SYN3: variants seen among roughly 807,000 people sequenced by gnomAD.
SYN3 encodes the protein synapsin-3.
SYN3 carries 35 observed loss-of-function variants against 65.8 expected under a neutral mutation model. The ratio of observed to expected loss-of-function variants is 0.53; its 90% CI spans 0.41 to 0.70. SYN3 has a LOEUF of 0.70. Ranked by LOEUF, SYN3 falls within the 30% of genes least tolerant of loss-of-function variation. SYN3 has a pLI of 0.00. For missense variants in SYN3, 680 were observed against 749.0 expected (o/e 0.91, Z 1.08); for synonymous variants, 270 against 292.9 (o/e 0.92, Z 0.80).
intron 3 of SYN3, among the ~76,000 whole-genome samples, chr22:32,950,542 G>A (rs149551343): frequency 6.6e-6 from 1 of 152,170 alleles, no homozygotes; most frequent in Non-Finnish European, 1.5e-5. Context: ...TGAGTTGGCA[G>A]CCATAAACTC....
At chr22:33,008,921 T>C (rs13054208) in intron 1 of SYN3, among the ~76,000 whole-genome samples, 9 of 26,962 alleles carry the variant, frequency 3.3e-4, no homozygotes, top group African/African-American at 1.1e-3. Context: ...TAAGACTTTA[T>C]CTCAAAAAAA....
In SYN3 at chr22:32,612,772, T is replaced by C. The variant is rs542788000; in HGVS notation, c.712-16036A>G. Among the ~76,000 whole-genome samples, 6 of 152,186 alleles carry C rather than the reference T, an allele frequency of 3.9e-5. No individual in the cohort carries two copies. The South Asian group carries it at 8.3e-4, about 21-fold the overall frequency. On this transcript the variant is annotated intron_variant, in intron 6 of 13. Transcript: ENST00000358763. ...TGGGATGATCACTTGAGCCCAGGAA[T>C]TGGAGGCTGCAGTGAGCAGCTGCAC...
intron 4 of SYN3, among the ~76,000 whole-genome samples, chr22:32,919,665 G>A (rs2050284864): frequency 6.6e-6 from 1 of 152,190 alleles, no homozygotes; most frequent in African/African-American, 2.4e-5. Flanking sequence ...AAAAGTTCAG[G>A]AAGCCCAGAA....
chr22:32,680,707 T>C (rs1349412414), intron 6 of SYN3, among the ~76,000 whole-genome samples: 3 of 152,212 alleles, frequency 2.0e-5, no homozygotes, highest in African/African-American at 7.2e-5. Flanking sequence ...TAAATTTCAG[T>C]GCCAAGCTAC....
intron 6 of SYN3, among the ~76,000 whole-genome samples, chr22:32,682,069 G>GTGACAAAGTCGACA (rs2060530454): frequency 2.6e-5 from 4 of 152,086 alleles, no homozygotes; most frequent in East Asian, 1.9e-4. Context: ...GGGAGATGAG[G>GTGACAAAGTCGACA]GGCAGCAGGG....
chr22:33,005,671 G>A lies in SYN3; in HGVS notation c.311+681C>T, dbSNP rs566982461. Among the ~76,000 whole-genome samples the A allele has an allele frequency of 5.3e-5, 8 of 152,328 alleles. No individual in the cohort carries two copies. In the South Asian group the frequency reaches 1.7e-3, roughly 32 times the overall value. On this transcript the variant is annotated intron_variant, in intron 2 of 13. Transcript: ENST00000358763. ...GTGGTCATTTCTGCCCACCTTTGGT[G>A]TTCAGAAGACAGGCTCTGGAGCCAG...
intron 6 of SYN3, among the ~76,000 whole-genome samples, chr22:32,730,414 C>T (rs1305963873): frequency 6.6e-6 from 1 of 152,162 alleles, no homozygotes. Context: ...ACTGCAGATT[C>T]CAGGATCTTC....
At chr22:32,589,062 C>A (rs942181957) in intron 7 of SYN3, among the ~76,000 whole-genome samples, 1 of 152,218 alleles carries the variant, frequency 6.6e-6, no homozygotes, top group Non-Finnish European at 1.5e-5. Context: ...TGAAACACTG[C>A]CCCGAGCTCC....
chr22:32,518,566 A>C (rs1271705221), intron 12 of SYN3: 5 of 675,004 alleles, frequency 7.4e-6, no homozygotes, highest in South Asian at 1.5e-5. Context: ...GTAATACTAA[A>C]TGACACAGGA....
At chr22:32,926,479 A>G (rs1353313139) in intron 4 of SYN3, among the ~76,000 whole-genome samples, 1 of 152,174 alleles carries the variant, frequency 6.6e-6, no homozygotes, top group Admixed American at 6.5e-5. Flanking sequence ...AAGTAAATGA[A>G]TCTTTATCAT....
At chr22:33,016,076 CCTCAGGTGATCCA>C (rs1417442446) in intron 1 of SYN3, among the ~76,000 whole-genome samples, 1 of 152,008 alleles carries the variant, frequency 6.6e-6, no homozygotes, top group Non-Finnish European at 1.5e-5. Context: ...GAACTCCTGA[CCTCAGGTGATCCA>C]CTCGCCTCGG....
intron 6 of SYN3, among the ~76,000 whole-genome samples, chr22:32,655,574 G>A (rs1172300277): frequency 6.6e-6 from 1 of 152,122 alleles, no homozygotes; most frequent in Non-Finnish European, 1.5e-5. Flanking sequence ...ATCAGTAGCG[G>A]CATTAGATTC....
intron 3 of SYN3, among the ~76,000 whole-genome samples, chr22:32,939,546 C>A (rs1288934192): frequency 6.6e-6 from 1 of 152,200 alleles, no homozygotes; most frequent in Admixed American, 6.5e-5. Context: ...CATGATGCTA[C>A]CATTTTAATG....
At chr22:32,596,968 A>C (rs1319426927) in intron 6 of SYN3, among the ~76,000 whole-genome samples, 1 of 152,196 alleles carries the variant, frequency 6.6e-6, no homozygotes, top group African/African-American at 2.4e-5. Flanking sequence ...GGCACCCATC[A>C]ATCTGCAGAG....
chr22:32,513,443 C>G lies in SYN3; in HGVS notation c.*249G>C. The G allele has an allele frequency of 2.6e-6, 1 of 389,660 alleles. No homozygotes were observed. The highest frequency in any genetic ancestry group is 4.6e-6 in the Non-Finnish European group (1 of 219,126). The allele number at this position is 389,660 out of a possible 1,614,324, so 24.1% of individuals were successfully genotyped here. A position where few individuals can be genotyped will look rare whatever the true frequency, so the allele number is the denominator to read the frequency against. On this transcript the variant is annotated 3_prime_UTR_variant, in exon 14 of 14. Transcript: ENST00000358763. ...GGTAGGCAGAGGGTGTGATGCCCAT[C>G]GCTCAGGCCTGTTTTGAGGAACCTG...
Position 32,767,600 on chromosome 22 carries a change from G to A in SYN3, c.711+97315C>T, listed in dbSNP as rs115897260. Among the ~76,000 whole-genome samples, 819 of 152,310 alleles carry A rather than the reference G, an allele frequency of 5.4e-3. 9 individuals are homozygous for A. Among genetic ancestry groups the A allele is most frequent in the African/African-American group, 0.018 (758 of 41,558 alleles). On this transcript the variant is annotated intron_variant, in intron 6 of 13. Coordinates refer to ENST00000358763, the MANE Select transcript of SYN3 (RefSeq NM_003490.4). ...TAAGGGAATTCTAGTTCATATTCAT[G>A]TCTTTCATTAGTGTAAGAACATTAT...
chr22:32,598,391 G>C (rs1246417458), intron 6 of SYN3, among the ~76,000 whole-genome samples: 1 of 152,232 alleles, frequency 6.6e-6, no homozygotes, highest in Non-Finnish European at 1.5e-5. Context: ...GCTGGGAAGG[G>C]GTGGAGCTGG....
chr22:33,028,700 G>GTGA (rs1027398839), intron 1 of SYN3, among the ~76,000 whole-genome samples: 3 of 135,850 alleles, frequency 2.2e-5, no homozygotes, highest in East Asian at 4.1e-4. Flanking sequence ...GATGGTGGTG[G>GTGA]TGGTGGTGGT....
At chr22:32,731,120 T>C (rs967172470) in intron 6 of SYN3, among the ~76,000 whole-genome samples, 1 of 152,160 alleles carries the variant, frequency 6.6e-6, no homozygotes, top group African/African-American at 2.4e-5. Flanking sequence ...CACCCAGGCA[T>C]CCCTAGTGCT....
Sources: allele counts gnomAD v4.1 joint callset (sites outside exome capture counted in the v4.1 genomes callset), GRCh38; gene constraint gnomAD v4.1.1; transcripts MANE v1.5; gene names NCBI Gene and HGNC (gene_info 2026-07-23, HGNC 2026-07-21).